SCAI: variants seen among roughly 807,000 people sequenced by gnomAD.
SCAI encodes the protein suppressor of cancer cell invasion, also known as protein SCAI.
Under a neutral mutation model 92.2 loss-of-function variants are expected in SCAI, and 24 were observed. The ratio of observed to expected loss-of-function variants is 0.26; its 90% CI spans 0.19 to 0.37. The LOEUF (loss-of-function observed/expected upper bound fraction) is 0.37, where lower values mean the gene tolerates loss of function less well. SCAI is among the 10% of genes least tolerant of loss of function. The pLI, the probability that SCAI is intolerant of heterozygous loss-of-function variation, is 1.00. For synonymous variants in SCAI, 261 were observed against 258.6 expected (o/e 1.01, Z -0.09); for missense variants, 450 against 736.2 (o/e 0.61, Z 4.50).
intron 2 of SCAI, among the ~76,000 whole-genome samples, chr9:125,115,938 T>C (rs1401557954): frequency 6.6e-6 from 1 of 152,228 alleles, no homozygotes; most frequent in Non-Finnish European, 1.5e-5. Flanking sequence ...CTCACGCCTG[T>C]AATCCCAGCA....
chr9:125,042,686 C>T (rs1309211563), intron 3 of SCAI, among the ~76,000 whole-genome samples: 1 of 141,708 alleles, frequency 7.1e-6, no homozygotes, highest in African/African-American at 2.6e-5. Context: ...AAGAAACATA[C>T]ATACAGGAAG....
At chr9:125,076,496 C>T (rs1588201497) in intron 2 of SCAI, among the ~76,000 whole-genome samples, 1 of 151,652 alleles carries the variant, frequency 6.6e-6, no homozygotes, top group African/African-American at 2.4e-5. Flanking sequence ...GAGTGAGAAG[C>T]CATCTCAAAA....
intron 3 of SCAI, among the ~76,000 whole-genome samples, chr9:125,033,384 T>C (rs1476742518): frequency 2.0e-5 from 3 of 152,028 alleles, no homozygotes; most frequent in Non-Finnish European, 2.9e-5. Flanking sequence ...TATAAGTTAA[T>C]AACACTTTGT....
chr9:124,965,705 T>C (rs1326939193), intron 17 of SCAI, among the ~76,000 whole-genome samples: 2 of 152,216 alleles, frequency 1.3e-5, no homozygotes, highest in African/African-American at 4.8e-5. Context: ...CTGGATTAAT[T>C]TATCTTGAAA....
intron 14 of SCAI, among the ~76,000 whole-genome samples, chr9:124,977,466 G>A (rs1483651232): frequency 1.3e-5 from 2 of 152,066 alleles, no homozygotes; most frequent in Non-Finnish European, 2.9e-5. Context: ...CTGAGCCCAG[G>A]AGTTTGAGAC....
At chr9:125,064,466 C>A (rs996225472) in intron 2 of SCAI, among the ~76,000 whole-genome samples, 2 of 152,020 alleles carry the variant, frequency 1.3e-5, no homozygotes, top group Non-Finnish European at 2.9e-5. Context: ...TAAACCAAGT[C>A]CCTAGATGTC....
At chr9:125,140,264 A>G (rs1198134161) in intron 2 of SCAI, among the ~76,000 whole-genome samples, 1 of 152,162 alleles carries the variant, frequency 6.6e-6, no homozygotes, top group Admixed American at 6.5e-5. Context: ...CCGGTGGCTC[A>G]CACCTGTAAT....
chr9:125,089,092 C>A (rs1209872814), intron 2 of SCAI, among the ~76,000 whole-genome samples: 2 of 152,190 alleles, frequency 1.3e-5, no homozygotes, highest in African/African-American at 4.8e-5. Context: ...CCCTACAAAA[C>A]AGAAACTCCC....
chr9:125,041,933 C>G (rs1378864202), intron 3 of SCAI, among the ~76,000 whole-genome samples: 1 of 152,124 alleles, frequency 6.6e-6, no homozygotes, highest in East Asian at 1.9e-4. Context: ...ATACGAACCA[C>G]TATATGATCA....
intron 15 of SCAI, among the ~76,000 whole-genome samples, chr9:124,972,478 T>C (rs1015136004): frequency 2.0e-5 from 3 of 152,186 alleles, no homozygotes; most frequent in African/African-American, 7.2e-5. Flanking sequence ...GACTAGATGA[T>C]TTCAAAGCTT....
Position 124,971,747 on chromosome 9 carries a change from T to C in SCAI, c.1497A>G (p.Leu499=), listed in dbSNP as rs777446571. The C allele has an allele frequency of 5.6e-6, 9 of 1,612,598 alleles. No individual in the cohort carries two copies. Among genetic ancestry groups the C allele is most frequent in the East Asian group, 2.2e-5 (1 of 44,866 alleles). Reference sequence around the variant, plus strand: ...GAAGATATTCTTGACACTTTTCCCATAGGCCTCTGCGCATGCTTGACAATC... The same window carrying C: ...GAAGATATTCTTGACACTTTTCCCACAGGCCTCTGCGCATGCTTGACAATC... ...VSGLSSMRRG[L]WEKCQEYLRK... The change falls in exon 16 of 18, where the codon CTA becomes CTG. Residue 499 remains leucine, a synonymous_variant. Coordinates refer to ENST00000336505, the MANE Select transcript of SCAI (RefSeq NM_001144877.3).
At chr9:124,982,973 CA>C (rs1260548248) in intron 14 of SCAI, among the ~76,000 whole-genome samples, 1 of 151,992 alleles carries the variant, frequency 6.6e-6, no homozygotes, top group Non-Finnish European at 1.5e-5. Context: ...GAGAACATAG[CA>C]AGACCCTATC....
At chr9:125,044,183 C>T (rs943580872) in intron 3 of SCAI, among the ~76,000 whole-genome samples, 5 of 152,068 alleles carry the variant, frequency 3.3e-5, no homozygotes, top group African/African-American at 1.2e-4. Flanking sequence ...TGGGTAATGA[C>T]GAGCATGGGA....
chr9:125,073,453 T>C (rs1588199055), intron 2 of SCAI, among the ~76,000 whole-genome samples: 1 of 152,212 alleles, frequency 6.6e-6, no homozygotes, highest in Non-Finnish European at 1.5e-5. Flanking sequence ...ACAGTGGCTG[T>C]ATCATTTTAT....
intron 2 of SCAI, among the ~76,000 whole-genome samples, chr9:125,077,539 TGAATG>T (rs1324541876): frequency 7.2e-5 from 11 of 152,312 alleles, no homozygotes; most frequent in Admixed American, 1.3e-4. Context: ...TTTTCCAAAG[TGAATG>T]TACCATTTCA....
intron 2 of SCAI, chr9:125,142,142 G>A (rs538594935): frequency 6.5e-6 from 1 of 153,148 alleles, no homozygotes; most frequent in East Asian, 1.9e-4. Flanking sequence ...GTACATAGTA[G>A]GTGTATATAT....
At chr9:124,991,155 C>T (rs1044638506) in intron 14 of SCAI, among the ~76,000 whole-genome samples, 1 of 151,922 alleles carries the variant, frequency 6.6e-6, no homozygotes, top group Non-Finnish European at 1.5e-5. Context: ...GAGTTCGAGA[C>T]CAGCCTGACC....
At position 125,110,849 on chromosome 9, in the gene SCAI, G is replaced by A. The variant is rs114447469; in HGVS notation, c.98+31784C>T. Among the ~76,000 whole-genome samples, 1,238 of 152,174 alleles carry A rather than the reference G, an allele frequency of 8.1e-3. 21 individuals carry two copies. The highest frequency in any genetic ancestry group is 0.028 in the African/African-American group (1,158 of 41,536). On this transcript the variant is annotated intron_variant, in intron 2 of 17. Coordinates refer to ENST00000336505, the MANE Select transcript of SCAI (RefSeq NM_001144877.3). ...CCTGCCATTTAAGAGGCCTGCTCCC[G>A]CTTTGCCTCCACCATGAGTAAAAGC...
At position 125,139,854 on chromosome 9, in the gene SCAI, AAAAGAAATACAATGC is replaced by A. The variant is rs370589395; in HGVS notation, c.98+2764_98+2778del. ...AATGAGAGTTAAATGAGAGCTATCC[AAAAGAAATACAATGC>A]AAAGAAATACAATGCAAGTTAAATG... On this transcript the variant is annotated intron_variant, in intron 2 of 17. Coordinates refer to ENST00000336505, the MANE Select transcript of SCAI (RefSeq NM_001144877.3). Among the ~76,000 whole-genome samples, 200 of 152,350 alleles carry A rather than the reference AAAAGAAATACAATGC, an allele frequency of 1.3e-3. 2 individuals carry two copies. Among genetic ancestry groups the A allele is most frequent in the African/African-American group, 4.3e-3 (180 of 41,574 alleles).
Sources: allele counts gnomAD v4.1 joint callset (sites outside exome capture counted in the v4.1 genomes callset), GRCh38; gene constraint gnomAD v4.1.1; transcripts MANE v1.5; gene names NCBI Gene and HGNC (gene_info 2026-07-23, HGNC 2026-07-21).